The following USP1 variants were observed in gnomAD, a reference collection of about 807,000 sequenced individuals.
The protein encoded by USP1 is ubiquitin carboxyl-terminal hydrolase 1.
USP1 carries 18 observed loss-of-function variants against 72.2 expected under a neutral mutation model. The ratio of observed to expected loss-of-function variants is 0.25; its 90% CI spans 0.17 to 0.37. USP1 has a LOEUF of 0.37. USP1 is among the 10% of genes least tolerant of loss of function. The pLI, the probability that USP1 is intolerant of heterozygous loss-of-function variation, is 1.00. For missense variants in USP1, 759 were observed against 884.9 expected, an observed-to-expected ratio of 0.86 and a Z score of 1.81; for synonymous variants, 354 against 303.7, an observed-to-expected ratio of 1.17 and a Z score of -1.72.
chr1:62,445,302 TGA>T lies in USP1; in HGVS notation c.1123_1124del (p.Glu375MetfsTer2). On this transcript the variant is annotated frameshift_variant, in exon 6 of 9. Coordinates refer to ENST00000339950, the MANE Select transcript of USP1 (RefSeq NM_003368.5). LOFTEE classifies it high-confidence loss of function. ...GAGTCAAAGGACAATCTAAAGAAAATGAATGTGATCCTGAAGAGGACTTGGGG... is the reference window on the plus strand; with the variant it reads ...GAGTCAAAGGACAATCTAAAGAAAATATGTGATCCTGAAGAGGACTTGGGG... ...QGVKGQSKEN[E>X]CDPEEDLGKC... 6.2e-7 allele frequency: 1 copy of T among 1,613,518 alleles called. No homozygotes were observed. The highest frequency in any genetic ancestry group is 8.5e-7 in the Non-Finnish European group (1 of 1,179,862).
Position 62,450,443 on chromosome 1 carries a change from A to G in USP1, c.1820A>G (p.Glu607Gly), listed in dbSNP as rs1645206578. The G allele has an allele frequency of 6.2e-7, 1 of 1,614,028 alleles. No individual in the cohort carries two copies. The highest frequency in any genetic ancestry group is 1.3e-5 in the African/African-American group (1 of 74,916). ...AAAGTCACTGACCTTAACAGTTTAG[A>G]ACTAGATAAAGGAAATTTTGTGGTT... is the stretch of plus-strand genomic sequence containing the variant. ...SVKVTDLNSLELDKGNFVVDQ... is the reference protein window; with the variant it reads ...SVKVTDLNSLGLDKGNFVVDQ... The change falls in exon 9 of 9, where the codon GAA (glutamate) becomes GGA (glycine). Residue 607 changes from glutamate to glycine, a missense_variant. This residue lies in a region of USP1 where 140 missense variants were observed against 222.8 expected (regional missense o/e 0.63). Transcript: ENST00000339950.
At position 62,450,511 on chromosome 1, in the gene USP1, G is replaced by C; in HGVS notation, c.1888G>C (p.Glu630Gln). 1.9e-6 allele frequency: 3 copies of C among 1,614,056 alleles called. No individual in the cohort carries two copies. Among genetic ancestry groups the C allele is most frequent in the Non-Finnish European group, 2.5e-6 (3 of 1,180,016 alleles). ...AGGTAAGCCAGAACCATTGAATGAG[G>C]AGGAAGCAAGGGGTGTGGTTGAGAA... ...EIGKPEPLNE[E>Q]EARGVVENYN... is the part of the protein sequence containing the mutation. Residue 630 changes from glutamate (E) to glutamine (Q), a missense_variant, in exon 9 of 9, where the codon GAG becomes CAG. Glu to Gln is a conservative substitution (Grantham distance 29). Transcript: ENST00000339950.
In USP1 at chr1:62,445,206, A is replaced by G. The variant is rs557920790; in HGVS notation, c.1026A>G (p.Leu342=). The change falls in exon 6 of 9, where the codon TTA becomes TTG. Residue 342 remains leucine, a synonymous_variant. Coordinates refer to ENST00000339950, the MANE Select transcript of USP1 (RefSeq NM_003368.5). ...QKKSRVKINW[L]KSATKQPSIL... is the part of the protein sequence containing the mutation. ...AATCAAGAGTTAAAATAAATTGGTT[A>G]AAGTCTGCAACTAAGCAACCCAGCA... is the stretch of plus-strand genomic sequence containing the variant. The G allele has an allele frequency of 2.2e-5, 36 of 1,611,986 alleles. No homozygotes were observed. In the African/African-American group the frequency reaches 4.0e-4, roughly 18 times the overall value.
chr1:62,449,865 A>G (rs956965094), intron 8 of USP1, among the ~76,000 whole-genome samples: 1 of 151,712 alleles, frequency 6.6e-6, no homozygotes, highest in Admixed American at 6.6e-5. Flanking sequence ...AGGAGCCATG[A>G]TTGCACCACT....
chr1:62,447,777 G>A (rs980718026), intron 7 of USP1, among the ~76,000 whole-genome samples: 4 of 151,940 alleles, frequency 2.6e-5, no homozygotes, highest in African/African-American at 9.7e-5. Context: ...GTCTTTCAGA[G>A]CTACTGAGGG....
rs1471715939 is a variant in USP1 at position 62,451,588 on chromosome 1, A to G, written c.*607A>G. On this transcript the variant is annotated 3_prime_UTR_variant, in exon 9 of 9. Transcript: ENST00000339950. ...ATTTATGAAGATGATTCTGTACCCT[A>G]GTATATCTTTTTGGGCATGGACTAA... 6.5e-6 allele frequency: 1 copy of G among 152,698 alleles called. No homozygotes were observed. The highest frequency in any genetic ancestry group is 2.4e-5 in the African/African-American group (1 of 41,442). 9.5% of individuals were successfully genotyped at this position (152,698 alleles called of 1,614,324 possible).
rs140511379 is a variant in USP1, at chr1:62,437,361, C to G, written c.-109C>G. On this transcript the variant is annotated 5_prime_UTR_variant, in exon 1 of 9. Coordinates refer to ENST00000339950, the MANE Select transcript of USP1 (RefSeq NM_003368.5). ...CCACACTCATTCGGGTTGGACTTGC[C>G]GGCGTCACCGCCGCGGACTTCGCTT... 1 of 393,166 alleles carries G rather than the reference C, an allele frequency of 2.5e-6. No individual in the cohort carries two copies. Among genetic ancestry groups the G allele is most frequent in the Admixed American group, 4.4e-5 (1 of 22,512 alleles). 24.4% of individuals were successfully genotyped at this position (393,166 alleles called of 1,614,324 possible). A position where few individuals can be genotyped will look rare whatever the true frequency, so the allele number is the denominator to read the frequency against.
rs934324805 is a variant in USP1 at position 62,450,946 on chromosome 1, T to C, written c.2323T>C (p.Ser775Pro). The C allele has an allele frequency of 6.2e-7, 1 of 1,604,764 alleles. No homozygotes were observed. The highest frequency in any genetic ancestry group is 2.2e-5 in the East Asian group (1 of 44,806). ...TCTTTCCCCTTCTACATCTCCTACT[T>C]CTACTCCTTACTTGCTATTTTATAA... ...NSLSPSTSPT[S>P]TPYLLFYKKL The change falls in exon 9 of 9, where the codon TCT (serine) becomes CCT (proline). Residue 775 changes from serine to proline, a missense_variant. Physicochemically the swap from Ser to Pro is moderately conservative, Grantham distance 74. Around this residue, in one of 9 missense-constraint regions of USP1, gnomAD observed 22 missense variants for 23.4 expected, o/e 0.94. Transcript: ENST00000339950.
At chr1:62,448,252 A>G (rs182378197) in intron 7 of USP1, among the ~76,000 whole-genome samples, 6 of 152,316 alleles carry the variant, frequency 3.9e-5, no homozygotes, top group South Asian at 2.1e-4. Context: ...TTTGCTGTCT[A>G]TCATATTTTT....
chr1:62,450,191 C>G, intron 8 of USP1, 55 bp from the exon 9 acceptor site: 1 of 1,547,130 alleles, frequency 6.5e-7, no homozygotes, highest in Non-Finnish European at 8.7e-7. Flanking sequence ...TGGGGTATAA[C>G]ATTTTGAATT....
Position 62,439,851 on chromosome 1 carries a change from G to T in USP1, c.-17G>T. On this transcript the variant is annotated 5_prime_UTR_variant, in exon 2 of 9. Transcript: ENST00000339950. ...TATAAATTAACTCTTGACACTCCTT[G>T]GGATTTGAAGAAAAAAATGCCTGGT... The T allele has an allele frequency of 7.2e-7, 1 of 1,382,044 alleles. No homozygotes were observed. The highest frequency in any genetic ancestry group is 9.4e-7 in the Non-Finnish European group (1 of 1,059,418). 85.6% of individuals were successfully genotyped at this position (1,382,044 alleles called of 1,614,324 possible).
chr1:62,445,847 C>T (rs927386194), intron 6 of USP1, among the ~76,000 whole-genome samples: 5 of 152,030 alleles, frequency 3.3e-5, no homozygotes, highest in East Asian at 1.9e-4. Flanking sequence ...GGCATGGTGG[C>T]GCACGCCTGT....
chr1:62,445,202 G>T lies in USP1; in HGVS notation c.1022G>T (p.Trp341Leu), dbSNP rs752608954. 4.3e-6 allele frequency: 7 copies of T among 1,611,732 alleles called. No individual in the cohort carries two copies. Among genetic ancestry groups the T allele is most frequent in the Non-Finnish European group, 5.9e-6 (7 of 1,179,456 alleles). The change falls in exon 6 of 9, where the codon TGG (tryptophan) becomes TTG (leucine). Residue 341 changes from tryptophan to leucine, a missense_variant. Trp to Leu is a moderately conservative substitution (Grantham distance 61). Coordinates refer to ENST00000339950, the MANE Select transcript of USP1 (RefSeq NM_003368.5). ...SQKKSRVKIN[W>L]LKSATKQPSI... The stretch of plus-strand genomic sequence containing the variant: ...AAGAAATCAAGAGTTAAAATAAATT[G>T]GTTAAAGTCTGCAACTAAGCAACCC...
intron 1 of USP1, among the ~76,000 whole-genome samples, chr1:62,439,209 A>G (rs1645115016): frequency 6.6e-6 from 1 of 151,832 alleles, no homozygotes. Context: ...TTTTGAGACT[A>G]AGTCTTGCTC....
intron 1 of USP1, among the ~76,000 whole-genome samples, chr1:62,438,201 C>T (rs992910789): frequency 2.0e-5 from 3 of 152,258 alleles, no homozygotes; most frequent in Non-Finnish European, 4.4e-5. Flanking sequence ...TCATTCTTCC[C>T]TTCTGTGTAG....
rs1352820894 is a variant in USP1 at position 62,450,271 on chromosome 1, T to G, written c.1648T>G (p.Ser550Ala). The G allele has an allele frequency of 6.2e-7, 1 of 1,612,458 alleles. No individual in the cohort carries two copies. Among genetic ancestry groups the G allele is most frequent in the Middle Eastern group, 1.7e-4 (1 of 6,058 alleles). The change falls in exon 9 of 9, where the codon TCC becomes GCC. Residue 550 changes from serine to alanine, a missense_variant. This residue lies in a region of USP1 where 140 missense variants were observed against 222.8 expected (regional missense o/e 0.63). Transcript: ENST00000339950. Reference sequence around the variant, plus strand: ...GTTTGATTGTTATGGTGGTGGACTTTCCAAGATCAACACTCCTTTATTGAC... The same window carrying G: ...GTTTGATTGTTATGGTGGTGGACTTGCCAAGATCAACACTCCTTTATTGAC... ...LEFDCYGGGLSKINTPLLTPL... is the reference protein window; with the variant it reads ...LEFDCYGGGLAKINTPLLTPL...
In USP1 at chr1:62,441,940, G is replaced by A. The variant is rs185104011; in HGVS notation, c.292-255G>A. Reference sequence around the variant, plus strand: ...AACGTTGGCATTGTGTTGTGTGTCCGTTGGCGCTGTGTTGTGTGTCCTTGT... The same window carrying A: ...AACGTTGGCATTGTGTTGTGTGTCCATTGGCGCTGTGTTGTGTGTCCTTGT... On this transcript the variant is annotated intron_variant, in intron 3 of 8. Transcript: ENST00000339950. Among the ~76,000 whole-genome samples, 781 of 152,188 alleles carry A rather than the reference G, an allele frequency of 5.1e-3. 4 individuals are homozygous for A. Among genetic ancestry groups the A allele is most frequent in the Non-Finnish European group, 8.9e-3 (605 of 67,996 alleles).
At chr1:62,446,124 A>G in intron 6 of USP1, among the ~76,000 whole-genome samples, 1 of 152,176 alleles carries the variant, frequency 6.6e-6, no homozygotes, top group South Asian at 2.1e-4. Flanking sequence ...GACTAAGTAC[A>G]GTCATGTGTT....
intron 6 of USP1, among the ~76,000 whole-genome samples, chr1:62,446,807 A>T (rs1179713415): frequency 2.6e-5 from 4 of 151,552 alleles, no homozygotes; most frequent in Non-Finnish European, 5.9e-5. Flanking sequence ...ACTTTTTTTT[A>T]TTTTTTATTT....
Sources: gnomAD v4.1 joint callset for allele counts (sites outside exome capture counted in the v4.1 genomes callset) on GRCh38, gnomAD v4.1.1 for gene constraint, gnomAD v4.1.1 regional missense constraint, MANE v1.5 for transcripts, NCBI Gene and HGNC (gene_info 2026-07-23, HGNC 2026-07-21) for gene names.